GUCY2F: variants seen among roughly 807,000 people sequenced by gnomAD.
The protein encoded by GUCY2F is retinal guanylyl cyclase 2.
In GUCY2F, 61 loss-of-function variants were observed where a neutral mutation model predicts 73.1. The ratio of observed to expected loss-of-function variants is 0.83; its 90% CI spans 0.68 to 1.03. The LOEUF (loss-of-function observed/expected upper bound fraction) is 1.03, where lower values mean the gene tolerates loss of function less well. GUCY2F is among the 50% of genes least tolerant of loss of function. The probability of loss-of-function intolerance (pLI) is 0.00; values close to 1 mark genes in which losing one functional copy is unlikely to be tolerated. For synonymous variants in GUCY2F, 331 were observed against 307.8 expected (o/e 1.08, Z -0.79); for missense variants, 912 against 854.3 (o/e 1.07, Z -0.84).
At chrX:109,421,396 TACTC>T (rs1195631580) in intron 8 of GUCY2F, among the ~76,000 whole-genome samples, 1 of 111,393 alleles carries the variant, frequency 9.0e-6, no homozygotes, top group Non-Finnish European at 1.9e-5. Context: ...AATGGACTAT[TACTC>T]AGCCTTAAAA....
At chrX:109,389,761 T>TATCATC (rs377763670) in intron 14 of GUCY2F, among the ~76,000 whole-genome samples, 1 of 111,282 alleles carries the variant, frequency 9.0e-6, no homozygotes, top group South Asian at 3.8e-4. Flanking sequence ...TCATCAACAT[T>TATCATC]ATCATCATCA....
At chrX:109,425,205 C>T (rs1412807798) in intron 8 of GUCY2F, among the ~76,000 whole-genome samples, 3 of 111,347 alleles carry the variant, frequency 2.7e-5, no homozygotes, top group Non-Finnish European at 3.8e-5. Flanking sequence ...TGGATATCTA[C>T]CCAGAGGAAA....
intron 7 of GUCY2F, among the ~76,000 whole-genome samples, chrX:109,440,990 G>A (rs907375158): frequency 4.5e-5 from 5 of 111,857 alleles, no homozygotes; most frequent in Non-Finnish European, 7.5e-5. Context: ...CCATGCACAC[G>A]CATGTCTCTA....
chrX:109,476,021 C>T lies in GUCY2F; in HGVS notation c.-85G>A. ...ACACAGACGGTGGTGTTTCCAAATG[C>T]CTGTCAATCAGAGGAAAAGGTTTGT... On this transcript the variant is annotated splice_region_variant and 5_prime_UTR_variant, in exon 2 of 20. Coordinates refer to ENST00000218006, the MANE Select transcript of GUCY2F (RefSeq NM_001522.3). The T allele has an allele frequency of 2.3e-6, 2 of 854,663 alleles. No individual in the cohort carries two copies. Among genetic ancestry groups the T allele is most frequent in the African/African-American group, 2.0e-5 (1 of 49,080 alleles). 70.4% of individuals were successfully genotyped at this position (854,663 alleles called of 1,213,427 possible).
At chrX:109,436,684 G>A (rs1931753456) in intron 7 of GUCY2F, among the ~76,000 whole-genome samples, 1 of 108,232 alleles carries the variant, frequency 9.2e-6, no homozygotes, top group African/African-American at 3.4e-5. Flanking sequence ...CTATCGCAAG[G>A]ACAAAAAACC....
intron 7 of GUCY2F, among the ~76,000 whole-genome samples, chrX:109,438,296 G>C (rs1451061723): frequency 5.4e-5 from 6 of 112,021 alleles, no homozygotes; most frequent in African/African-American, 2.0e-4. Flanking sequence ...ATACAGAATA[G>C]CAAGCTAGCT....
chrX:109,451,027 C>T (rs1021658416), intron 5 of GUCY2F, among the ~76,000 whole-genome samples: 1 of 111,998 alleles, frequency 8.9e-6, no homozygotes, highest in African/African-American at 3.2e-5. Context: ...TCACTCCATT[C>T]CCTACCAATC....
chrX:109,477,989 A>T (rs1259504528), intron 1 of GUCY2F, among the ~76,000 whole-genome samples: 1 of 111,857 alleles, frequency 8.9e-6, no homozygotes, highest in Non-Finnish European at 1.9e-5. Context: ...AACATAAGCC[A>T]GTGGCTGAGG....
intron 8 of GUCY2F, among the ~76,000 whole-genome samples, chrX:109,422,493 A>T (rs1403038863): frequency 8.9e-6 from 1 of 111,812 alleles, no homozygotes; most frequent in Non-Finnish European, 1.9e-5. Context: ...AATATACTTA[A>T]CACTACTTAA....
intron 8 of GUCY2F, among the ~76,000 whole-genome samples, chrX:109,410,074 G>A (rs1297006672): frequency 9.0e-6 from 1 of 111,564 alleles, no homozygotes; most frequent in African/African-American, 3.3e-5. Flanking sequence ...TGACTTCAGA[G>A]TTTTGAGATG....
intron 19 of GUCY2F, among the ~76,000 whole-genome samples, 195 bp downstream of exon 19, chrX:109,375,703 C>G (rs956758425): frequency 1.8e-5 from 2 of 112,349 alleles, no homozygotes; most frequent in Non-Finnish European, 3.8e-5. Flanking sequence ...AGACAATTTC[C>G]CACAGGTGCA....
At chrX:109,388,238 T>C (rs1311952983) in intron 15 of GUCY2F, among the ~76,000 whole-genome samples, 1 of 111,456 alleles carries the variant, frequency 9.0e-6, no homozygotes, top group Non-Finnish European at 1.9e-5. Flanking sequence ...TAGTCAAACA[T>C]GGAAATATTG....
chrX:109,442,093 G>T (rs1457405857), intron 6 of GUCY2F, among the ~76,000 whole-genome samples: 1 of 111,400 alleles, frequency 9.0e-6, no homozygotes, highest in Non-Finnish European at 1.9e-5. Flanking sequence ...TGCTTAAATA[G>T]GTCACATTCT....
chrX:109,393,118 G>A, intron 12 of GUCY2F, 63 bp from the exon 13 acceptor site: 5 of 602,852 alleles, frequency 8.3e-6, no homozygotes, highest in Non-Finnish European at 1.4e-5. Context: ...AGATGATGGA[G>A]CAGGTCCCCT....
At chrX:109,380,196 C>G (rs1423075932) in intron 17 of GUCY2F, among the ~76,000 whole-genome samples, 1 of 112,058 alleles carries the variant, frequency 8.9e-6, no homozygotes, top group African/African-American at 3.2e-5. Context: ...GAAATCACAC[C>G]GGGCTCACCA....
intron 8 of GUCY2F, among the ~76,000 whole-genome samples, chrX:109,415,028 T>C (rs1931207670): frequency 9.0e-6 from 1 of 110,521 alleles, no homozygotes; most frequent in Non-Finnish European, 1.9e-5. Flanking sequence ...CCAAGTAGGG[T>C]GTAGTAGGTT....
At chrX:109,425,121 C>T (rs753371237) in intron 8 of GUCY2F, among the ~76,000 whole-genome samples, 13 of 111,720 alleles carry the variant, frequency 1.2e-4, no homozygotes, top group African/African-American at 2.6e-4. Flanking sequence ...ACAACTACTA[C>T]GGAAAACAGT....
chrX:109,428,206 A>C (rs1931531279), intron 8 of GUCY2F, among the ~76,000 whole-genome samples: 1 of 112,209 alleles, frequency 8.9e-6, no homozygotes, highest in Non-Finnish European at 1.9e-5. Context: ...CCCCAATGTT[A>C]TGTATTAATT....
intron 8 of GUCY2F, among the ~76,000 whole-genome samples, chrX:109,415,773 G>T (rs1931224200): frequency 6.3e-5 from 7 of 111,909 alleles, no homozygotes; most frequent in Admixed American, 3.8e-4. Flanking sequence ...CCTAACAAAT[G>T]AAAAGAGAAA....
Sources: gnomAD v4.1 joint callset for allele counts (sites outside exome capture counted in the v4.1 genomes callset) on GRCh38, gnomAD v4.1.1 for gene constraint, MANE v1.5 for transcripts, NCBI Gene and HGNC (gene_info 2026-07-23, HGNC 2026-07-21) for gene names.